CCAR2: variants seen among roughly 807,000 people sequenced by gnomAD.
CCAR2 encodes cell cycle and apoptosis regulator protein 2.
A neutral mutation model predicts 108.1 loss-of-function variants in CCAR2; 21 were observed. The observed-to-expected ratio is 0.19, with a 90% CI of 0.14 to 0.28. CCAR2 has a LOEUF of 0.28. Among genes scored for constraint, CCAR2 ranks in the 10% least tolerant of loss-of-function variants. The pLI, the probability that CCAR2 is intolerant of heterozygous loss-of-function variation, is 1.00. For missense variants in CCAR2, 1,126 were observed against 1,177.0 expected (o/e 0.96, Z 0.63); for synonymous variants, 577 against 472.8 (o/e 1.22, Z -2.86).
At chr8:22,616,354 C>A in intron 14 of CCAR2, 106 bp downstream of exon 14, 1 of 1,042,492 alleles carries the variant, frequency 9.6e-7, no homozygotes, top group Non-Finnish European at 1.4e-6. Flanking sequence ...ATTCCCTGCA[C>A]CCTTGCTCGG....
intron 1 of CCAR2, 92 bp downstream of exon 1, chr8:22,604,934 G>A (rs1201288367): frequency 2.8e-6 from 1 of 356,594 alleles, no homozygotes; most frequent in Admixed American, 3.7e-5. Context: ...CGGCGAAGAT[G>A]CGTGGGGCGC....
intron 1 of CCAR2, chr8:22,605,207 A>AT: frequency 5.4e-6 from 1 of 184,172 alleles, no homozygotes; most frequent in Non-Finnish European, 1.2e-5. Flanking sequence ...GGTCGAGGAA[A>AT]CAACGGGTCG....
Position 22,614,401 on chromosome 8 carries a change from C to G in CCAR2, c.939C>G (p.Leu313=). ...CTCCTCCTGCACAGGTACTGCTGCT[C>G]TCTTCCCCGGGGTTGGAGGAATTGT... ...DPAYSSKVLL[L]SSPGLEELYR... Residue 313 remains leucine (L), a synonymous_variant, in exon 10 of 21, where the codon CTC becomes CTG. Coordinates refer to ENST00000308511, the MANE Select transcript of CCAR2 (RefSeq NM_001393997.1). The G allele has an allele frequency of 4.3e-6, 7 of 1,614,196 alleles. No individual in the cohort carries two copies. Among genetic ancestry groups the G allele is most frequent in the Non-Finnish European group, 5.9e-6 (7 of 1,180,034 alleles).
rs1801574342 is a variant in CCAR2 at position 22,617,549 on chromosome 8, G to A, written c.1975G>A (p.Gly659Arg). Reference protein sequence around the residue: ...DPELLLLRDDGEEEFAGAKLE... With the variant: ...DPELLLLRDDREEEFAGAKLE... The stretch of plus-strand genomic sequence containing the variant: ...AGAACTGTTGCTTCTGAGGGATGAT[G>A]GAGAGGAGGAGTTTGGTATGTTGAG... Residue 659 changes from glycine (G) to arginine (R), a missense_variant, in exon 15 of 21, where the codon GGA (glycine) becomes AGA (arginine). Around this residue, in one of 4 missense-constraint regions of CCAR2, gnomAD observed 1,013 missense variants for 993.9 expected, o/e 1.02. Coordinates refer to ENST00000308511, the MANE Select transcript of CCAR2 (RefSeq NM_001393997.1). The A allele has an allele frequency of 1.3e-6, 2 of 1,599,856 alleles. No homozygotes were observed.
chr8:22,612,578 A>G (rs1316730996), intron 7 of CCAR2: 1 of 152,666 alleles, frequency 6.6e-6, no homozygotes, highest in African/African-American at 2.4e-5. Context: ...ATTTACTTTA[A>G]AGGACGCATA....
chr8:22,617,580 A>AGAG lies in CCAR2; in HGVS notation c.1990+18_1990+20dup. The AGAG allele has an allele frequency of 1.2e-6, 2 of 1,604,506 alleles. No homozygotes were observed. Among genetic ancestry groups the AGAG allele is most frequent in the Non-Finnish European group, 1.7e-6 (2 of 1,174,476 alleles). On this transcript the variant is annotated intron_variant, in intron 15 of 20. Coordinates refer to ENST00000308511, the MANE Select transcript of CCAR2 (RefSeq NM_001393997.1). ...GAGGAGTTTGGTATGTTGAGTGGTGAGAGGGGAGCTTGCAGGCTTGGGATG... is the reference window on the plus strand; with the variant it reads ...GAGGAGTTTGGTATGTTGAGTGGTGAGAGGAGGGGAGCTTGCAGGCTTGGGATG...
At chr8:22,616,281 G>C in intron 14 of CCAR2, 33 bp downstream of exon 14, 1 of 1,594,898 alleles carries the variant, frequency 6.3e-7, no homozygotes, top group South Asian at 1.1e-5. Flanking sequence ...CTGTCATAGT[G>C]CTTACCGTGA....
Position 22,615,758 on chromosome 8 carries a change from C to T in CCAR2, c.1454C>T (p.Pro485Leu). ...ADTSRRNAET[P>L]EATTQQETDT... The stretch of plus-strand genomic sequence containing the variant: ...ACTTCTAGACGGAACGCAGAAACTC[C>T]AGAGGCCACCACACAGCAGGAAACG... Residue 485 changes from proline (P) to leucine (L), a missense_variant, in exon 13 of 21, where the codon CCA becomes CTA. By Grantham distance (98) the Pro-to-Leu change is moderately conservative. Around this residue, in one of 4 missense-constraint regions of CCAR2, gnomAD observed 1,013 missense variants for 993.9 expected, o/e 1.02. Coordinates refer to ENST00000308511, the MANE Select transcript of CCAR2 (RefSeq NM_001393997.1). 1 of 1,613,898 alleles carries T rather than the reference C, an allele frequency of 6.2e-7. No individual in the cohort carries two copies. The highest frequency in any genetic ancestry group is 8.5e-7 in the Non-Finnish European group (1 of 1,180,004).
At chr8:22,619,063 A>G in intron 19 of CCAR2, 48 bp downstream of exon 19, 2 of 1,602,900 alleles carry the variant, frequency 1.2e-6, no homozygotes, top group African/African-American at 1.3e-5. Context: ...GCAGACCAGT[A>G]GGGAACCTGC....
intron 5 of CCAR2, 70 bp from the exon 6 acceptor site, chr8:22,607,126 C>T: frequency 1.2e-6 from 2 of 1,608,864 alleles, no homozygotes; most frequent in Middle Eastern, 3.3e-4. Flanking sequence ...GGGGGTGGGA[C>T]TGCATCTTTC....
chr8:22,613,189 AT>A, intron 8 of CCAR2, 53 bp downstream of exon 8: 1 of 1,494,140 alleles, frequency 6.7e-7, no homozygotes, highest in Non-Finnish European at 8.9e-7. Context: ...ATAGTTTCTT[AT>A]GTAAATGAGA....
At chr8:22,618,017 C>T (rs1244547277) in intron 16 of CCAR2, 2 of 594,474 alleles carry the variant, frequency 3.4e-6, no homozygotes, top group Non-Finnish European at 5.9e-6. Flanking sequence ...AGCACAGGAG[C>T]TTTTGCCAAA....
chr8:22,609,623 T>C lies in CCAR2; in HGVS notation c.584+1558T>C, dbSNP rs549719729. Among the ~76,000 whole-genome samples the C allele has an allele frequency of 2.0e-5, 3 of 152,360 alleles. No homozygotes were observed. In the South Asian group the frequency reaches 6.2e-4, roughly 32 times the overall value. On this transcript the variant is annotated intron_variant, in intron 7 of 20. Coordinates refer to ENST00000308511, the MANE Select transcript of CCAR2 (RefSeq NM_001393997.1). ...ACCCACTCCTCTTGTCCTGTGCATC[T>C]TCCTGGTCCTCAGTTTCTAGGGACC...
intron 8 of CCAR2, 91 bp from the exon 9 acceptor site, chr8:22,614,001 A>G (rs940620452): frequency 1.6e-6 from 2 of 1,227,170 alleles, no homozygotes; most frequent in African/African-American, 3.0e-5. Flanking sequence ...AGACTGAAAA[A>G]AAATTCGCCC....
intron 11 of CCAR2, chr8:22,615,209 C>T: frequency 2.3e-6 from 2 of 866,064 alleles, no homozygotes; most frequent in South Asian, 1.8e-5. Context: ...TGGAGTTGTC[C>T]TTGCACCTTG....
At chr8:22,617,276 T>TAA in intron 14 of CCAR2, 144 bp from the exon 15 acceptor site, 1 of 955,046 alleles carries the variant, frequency 1.0e-6, no homozygotes, top group Non-Finnish European at 1.5e-6. Context: ...TTAATGAAAT[T>TAA]AAATACATGA....
rs1410634291 is a variant in CCAR2 at position 22,619,633 on chromosome 8, A to G, written c.2728-5A>G. ...GATTCTGGGTACATCATCTGTTTCA[A>G]ACAGGCTGACAGCTGGGTGGAGAAG... On this transcript the variant is annotated splice_region_variant and splice_polypyrimidine_tract_variant and intron_variant, in intron 20 of 20. Coordinates refer to ENST00000308511, the MANE Select transcript of CCAR2 (RefSeq NM_001393997.1). 4 of 1,570,522 alleles carry G rather than the reference A, an allele frequency of 2.5e-6. No individual in the cohort carries two copies. Among genetic ancestry groups the G allele is most frequent in the South Asian group, 1.2e-5 (1 of 85,532 alleles).
At chr8:22,621,312 A>G (rs1019789946), downstream of CCAR2, 26 of 1,409,490 alleles carry the variant, frequency 1.8e-5, no homozygotes, top group African/African-American at 2.9e-4. Context: ...CCGGCAAGTG[A>G]ACCAGGGCCA....
intron 14 of CCAR2, 59 bp from the exon 15 acceptor site, chr8:22,617,361 C>T: frequency 6.6e-7 from 1 of 1,511,874 alleles, no homozygotes. Context: ...GCCATGCTTA[C>T]TATTGGTAAT....
Sources: allele counts gnomAD v4.1 joint callset (sites outside exome capture counted in the v4.1 genomes callset), GRCh38; gene constraint gnomAD v4.1.1; regional missense constraint gnomAD v4.1.1; transcripts MANE v1.5; gene names NCBI Gene and HGNC (gene_info 2026-07-23, HGNC 2026-07-21).